CLEC19A: variants seen among roughly 807,000 people sequenced by gnomAD.
The protein encoded by CLEC19A is C-type lectin domain containing 19A.
CLEC19A carries 21 observed loss-of-function variants against 26.1 expected under a neutral mutation model. That is an observed-to-expected ratio of 0.80 (90% CI 0.57 to 1.16). The LOEUF is 1.16. CLEC19A is among the 50% of genes most tolerant of loss of function. The pLI, the probability that CLEC19A is intolerant of heterozygous loss-of-function variation, is 0.00. For missense variants in CLEC19A, 224 were observed against 227.6 expected (o/e 0.98, Z 0.10); for synonymous variants, 89 against 88.6 (o/e 1.00, Z -0.03).
intron 1 of CLEC19A, among the ~76,000 whole-genome samples, chr16:19,288,006 G>C (rs1471481296): frequency 6.6e-6 from 1 of 152,190 alleles, no homozygotes; most frequent in Non-Finnish European, 1.5e-5. Flanking sequence ...AGGGGACTGA[G>C]ATTGTGTCAA....
chr16:19,291,474 G>A (rs1390451348), intron 1 of CLEC19A, among the ~76,000 whole-genome samples: 2 of 152,188 alleles, frequency 1.3e-5, no homozygotes, highest in Non-Finnish European at 2.9e-5. Flanking sequence ...TGAAGTGGGG[G>A]TGATAGTGGC....
chr16:19,298,605 T>C (rs2143009866), intron 1 of CLEC19A, 68 bp from the exon 2 acceptor site: 1 of 1,459,326 alleles, frequency 6.9e-7, no homozygotes, highest in East Asian at 2.5e-5. Context: ...AGAAAATAGG[T>C]TCTAAGCTAT....
intron 2 of CLEC19A, among the ~76,000 whole-genome samples, chr16:19,301,650 G>T (rs987943378): frequency 1.3e-5 from 2 of 150,314 alleles, no homozygotes; most frequent in Non-Finnish European, 2.9e-5. Flanking sequence ...TGCAACCTCC[G>T]CCTCCTGGGT....
Position 19,285,892 on chromosome 16 carries a change from T to A in CLEC19A, c.41T>A (p.Leu14His), listed in dbSNP as rs1011230191. ...CTGTGGGCTGCAGCCTTCCTGACCC[T>A]CCACTCTGCACAGGCCTTTCCACAA... ...WTLWAAAFLT[L>H]HSAQAFPQTD... is the part of the protein sequence containing the mutation. The change falls in exon 1 of 5, where the codon CTC (leucine) becomes CAC (histidine). Residue 14 changes from leucine (L) to histidine (H), a missense_variant. Leu to His is a moderately conservative substitution (Grantham distance 99, BLOSUM62 -3). Coordinates refer to ENST00000636231, the MANE Select transcript of CLEC19A (RefSeq NM_001256720.2). 2 of 1,550,418 alleles carry A rather than the reference T, an allele frequency of 1.3e-6. No homozygotes were observed. The highest frequency in any genetic ancestry group is 2.7e-5 in the African/African-American group (2 of 73,016).
chr16:19,306,440 C>G (rs774611055), intron 3 of CLEC19A, among the ~76,000 whole-genome samples: 8 of 152,096 alleles, frequency 5.3e-5, no homozygotes, highest in African/African-American at 4.8e-5. Flanking sequence ...AGCCACCATG[C>G]CTGGTGATTT....
chr16:19,298,679 C>T lies in CLEC19A; in HGVS notation c.95C>T (p.Pro32Leu), dbSNP rs766269377. Residue 32 changes from proline (P) to leucine (L), a missense_variant, in exon 2 of 5, where the codon CCA (proline) becomes CTA (leucine). Coordinates refer to ENST00000636231, the MANE Select transcript of CLEC19A (RefSeq NM_001256720.2). ...QTDISISPAL[P>L]ELPLPSLCPL... ...GTTTCCTTTCTGCCCCCAGCCCTGC[C>T]AGAGCTGCCCCTGCCTTCCCTGTGC... The T allele has an allele frequency of 1.3e-6, 2 of 1,551,062 alleles. No individual in the cohort carries two copies. Among genetic ancestry groups the T allele is most frequent in the Admixed American group, 2.0e-5 (1 of 51,006 alleles).
chr16:19,301,735 G>T (rs200257730), intron 2 of CLEC19A, among the ~76,000 whole-genome samples: 489 of 35,066 alleles, frequency 0.014, 64 homozygotes, highest in South Asian at 0.033. Flanking sequence ...AGGTTTTTTT[G>T]GTTTTTTTTT....
chr16:19,294,094 G>A (rs1373162150), intron 1 of CLEC19A, among the ~76,000 whole-genome samples: 3 of 151,328 alleles, frequency 2.0e-5, no homozygotes, highest in Non-Finnish European at 4.4e-5. Flanking sequence ...GGTAACCATC[G>A]TTGTACTCTC....
chr16:19,301,738 T>TTTTTTTTTTG (rs1897831315), intron 2 of CLEC19A, among the ~76,000 whole-genome samples: 4 of 91,618 alleles, frequency 4.4e-5, no homozygotes, highest in Admixed American at 2.3e-4. Flanking sequence ...TTTTTTTGGT[T>TTTTTTTTTTG]TTTTTTTTTT....
intron 1 of CLEC19A, among the ~76,000 whole-genome samples, chr16:19,297,100 C>A (rs1597083324): frequency 6.6e-6 from 1 of 152,208 alleles, no homozygotes; most frequent in African/African-American, 2.4e-5. Context: ...AAAAAAGTAT[C>A]TCTTAAGAAG....
chr16:19,296,204 A>C (rs1332199487), intron 1 of CLEC19A, among the ~76,000 whole-genome samples: 1 of 152,234 alleles, frequency 6.6e-6, no homozygotes, highest in Non-Finnish European at 1.5e-5. Flanking sequence ...GGTTGGGGAC[A>C]GGCTGTTCTG....
chr16:19,294,675 A>G (rs186418755), intron 1 of CLEC19A, among the ~76,000 whole-genome samples: 1 of 152,326 alleles, frequency 6.6e-6, no homozygotes, highest in East Asian at 1.9e-4. Context: ...TTAAATTTAA[A>G]CACAATGTTA....
intron 1 of CLEC19A, among the ~76,000 whole-genome samples, chr16:19,288,961 G>A (rs1897526875): frequency 6.6e-6 from 1 of 152,164 alleles, no homozygotes; most frequent in Non-Finnish European, 1.5e-5. Flanking sequence ...CTGTGACCCA[G>A]ACTGTTTCTA....
intron 1 of CLEC19A, among the ~76,000 whole-genome samples, chr16:19,293,827 A>T (rs754136661): frequency 2.0e-4 from 31 of 152,222 alleles, no homozygotes; most frequent in Non-Finnish European, 8.8e-5. Context: ...TGATACAGGC[A>T]TACAGTGTGT....
chr16:19,301,564 CTTTA>C (rs963595933), intron 2 of CLEC19A, among the ~76,000 whole-genome samples: 1 of 151,844 alleles, frequency 6.6e-6, no homozygotes, highest in Non-Finnish European at 1.5e-5. Flanking sequence ...TCACACTGAT[CTTTA>C]TTTATTTATT....
chr16:19,299,935 G>A (rs1897782853), intron 2 of CLEC19A, among the ~76,000 whole-genome samples: 1 of 151,942 alleles, frequency 6.6e-6, no homozygotes. Flanking sequence ...TAAGAATAAG[G>A]AAAGGGGGCC....
chr16:19,302,033 G>A (rs1222760972), intron 2 of CLEC19A, among the ~76,000 whole-genome samples: 2 of 152,008 alleles, frequency 1.3e-5, no homozygotes, highest in Non-Finnish European at 2.9e-5. Context: ...GCCTCAAGGA[G>A]GCCAGTGTTT....
Position 19,302,805 on chromosome 16 carries a change from T to C in CLEC19A, c.255-1257T>C, listed in dbSNP as rs528539876. On this transcript the variant is annotated intron_variant, in intron 2 of 4. Coordinates refer to ENST00000636231, the MANE Select transcript of CLEC19A (RefSeq NM_001256720.2). ...GATGAGCAGTTGTTTTGGCTTTCCTTCAGCGTCTTCAATGCAGCAGTTCCA... is the reference window on the plus strand; with the variant it reads ...GATGAGCAGTTGTTTTGGCTTTCCTCCAGCGTCTTCAATGCAGCAGTTCCA... 2.0e-5 allele frequency among the ~76,000 whole-genome samples: 3 copies of C among 152,328 alleles called. No individual in the cohort carries two copies. The South Asian group carries it at 6.2e-4, about 32-fold the overall frequency.
At chr16:19,289,231 C>T (rs547748404) in intron 1 of CLEC19A, among the ~76,000 whole-genome samples, 4 of 152,306 alleles carry the variant, frequency 2.6e-5, no homozygotes, top group African/African-American at 9.6e-5. Context: ...GTTCCCCCTC[C>T]TCCTCTATGG....
Sources: allele counts gnomAD v4.1 joint callset (sites outside exome capture counted in the v4.1 genomes callset), GRCh38; gene constraint gnomAD v4.1.1; transcripts MANE v1.5; gene names NCBI Gene and HGNC (gene_info 2026-07-23, HGNC 2026-07-21).